The following F8 variants were observed in gnomAD, a reference collection of about 807,000 sequenced individuals.
F8 encodes the protein coagulation factor VIII.
F8 carries 12 observed loss-of-function variants against 140.6 expected under a neutral mutation model. The ratio of observed to expected loss-of-function variants is 0.09; its 90% confidence interval spans 0.05 to 0.14. F8 has a LOEUF of 0.14. Ranked by LOEUF, F8 falls within the 10% of genes least tolerant of loss-of-function variation. The pLI is 1.00. For synonymous variants in F8, 585 were observed against 614.6 expected (o/e 0.95, Z 0.71); for missense variants, 1,354 against 1,720.7 (o/e 0.79, Z 3.77).
chrX:154,838,818 G>T (rs1187690011), intron 25 of F8, among the ~76,000 whole-genome samples: 1 of 111,358 alleles, frequency 9.0e-6, no homozygotes, highest in Non-Finnish European at 1.9e-5. Flanking sequence ...AACAAAAGAC[G>T]TTTGGGCCAT....
chrX:154,895,120 C>T (rs1458239460), intron 22 of F8, among the ~76,000 whole-genome samples: 2 of 112,169 alleles, frequency 1.8e-5, no homozygotes, highest in Admixed American at 1.9e-4. Flanking sequence ...ACAGTGAACT[C>T]CTCTGCAAGG....
intron 25 of F8, 52 bp from the exon 26 acceptor site, chrX:154,837,804 T>C (rs1398680500): frequency 2.6e-6 from 3 of 1,132,470 alleles, no homozygotes; most frequent in East Asian, 6.0e-5. Flanking sequence ...CAATGGTCAC[T>C]GCAAAGCACA....
intron 18 of F8, 132 bp from the exon 19 acceptor site, chrX:154,902,299 T>A: frequency 1.9e-6 from 1 of 529,798 alleles, no homozygotes; most frequent in African/African-American, 2.3e-5. Context: ...ACCCCTCAAA[T>A]GCAAAGTGCT....
intron 14 of F8, among the ~76,000 whole-genome samples, chrX:154,923,880 G>A (rs2073145815): frequency 8.9e-6 from 1 of 111,763 alleles, no homozygotes; most frequent in African/African-American, 3.3e-5. Context: ...GCTGAGGCAG[G>A]AGAATCACTT....
At chrX:155,002,436 T>C (rs1438494162) in intron 1 of F8, among the ~76,000 whole-genome samples, 1 of 111,711 alleles carries the variant, frequency 9.0e-6, no homozygotes, top group Non-Finnish European at 1.9e-5. Context: ...CTCTCACCAA[T>C]GTGGGTGGGC....
At chrX:154,988,341 C>A (rs1413254125) in intron 4 of F8, among the ~76,000 whole-genome samples, 2 of 111,846 alleles carry the variant, frequency 1.8e-5, no homozygotes, top group African/African-American at 6.5e-5. Flanking sequence ...TTGACTTAAC[C>A]TTTCATGTCT....
intron 22 of F8, among the ~76,000 whole-genome samples, chrX:154,866,454 C>T (rs916395468): frequency 8.9e-6 from 1 of 111,927 alleles, no homozygotes; most frequent in Non-Finnish European, 1.9e-5. Context: ...ACACACAAAA[C>T]ATTCTTCAGG....
chrX:154,947,209 A>G (rs1220472302), intron 13 of F8, among the ~76,000 whole-genome samples: 4 of 88,712 alleles, frequency 4.5e-5, no homozygotes, highest in African/African-American at 8.6e-5. Context: ...TGGGCTACAG[A>G]GCGAGACTCC....
At position 154,930,666 on chromosome X, in the gene F8, CAATT is replaced by C. The variant is rs2073190482; in HGVS notation, c.3120_3123del (p.Ile1041ArgfsTer11). ...TTTTGCCAGACTGATGGACTATTCT[CAATT>C]AATAATGATGGGCCATCAATGTGAG... On this transcript the variant is annotated frameshift_variant, in exon 14 of 26. Transcript: ENST00000360256. LOFTEE classifies it high-confidence loss of function. The C allele has an allele frequency of 8.3e-7, 1 of 1,209,422 alleles. No individual in the cohort carries two copies. The highest frequency in any genetic ancestry group is 1.1e-6 in the Non-Finnish European group (1 of 894,397).
intron 6 of F8, among the ~76,000 whole-genome samples, chrX:154,978,245 C>T (rs924724927): frequency 6.2e-4 from 68 of 109,853 alleles, no homozygotes; most frequent in African/African-American, 2.3e-3. Flanking sequence ...AATTATTTTT[C>T]CAGGATTTCA....
chrX:155,013,018 C>T (rs782019329), intron 1 of F8, among the ~76,000 whole-genome samples: 3 of 108,261 alleles, frequency 2.8e-5, no homozygotes, highest in East Asian at 5.8e-4. Context: ...TGGTGGCGGG[C>T]GCCTGTCGTC....
intron 22 of F8, among the ~76,000 whole-genome samples, chrX:154,888,406 T>TTTTTCC (rs1288957215): frequency 2.7e-5 from 2 of 73,729 alleles, no homozygotes; most frequent in African/African-American, 1.3e-4. Context: ...TTTTTTTTTT[T>TTTTTCC]CCCCCCGAGA....
intron 14 of F8, among the ~76,000 whole-genome samples, chrX:154,923,240 C>G (rs1259787507): frequency 8.9e-6 from 1 of 111,971 alleles, no homozygotes; most frequent in East Asian, 2.8e-4. Context: ...AAAATAAAAA[C>G]ATCACTTTTA....
At chrX:154,997,241 C>T (rs781998845) in intron 2 of F8, 146 bp from the exon 3 acceptor site, 2 of 689,085 alleles carry the variant, frequency 2.9e-6, no homozygotes, top group East Asian at 3.3e-5. Flanking sequence ...CTGCCAACAT[C>T]AGCCTAACCT....
At position 154,896,239 on chromosome X, in the gene F8, A is replaced by T. The variant is rs1557275617; in HGVS notation, c.6274-7T>A. 2 of 1,205,303 alleles carry T rather than the reference A, an allele frequency of 1.7e-6. No homozygotes were observed. Among genetic ancestry groups the T allele is most frequent in the Admixed American group, 4.4e-5 (2 of 45,650 alleles). On this transcript the variant is annotated splice_polypyrimidine_tract_variant and splice_region_variant and intron_variant, in intron 21 of 25. Coordinates refer to ENST00000360256, the MANE Select transcript of F8 (RefSeq NM_000132.4). ...TTGGTGCCAACAGATCCACCTACCA[A>T]TTAAAATAACACTTTATTTTAACCT...
intron 4 of F8, 68 bp downstream of exon 4, chrX:154,992,868 A>G (rs1188377250): frequency 9.9e-7 from 1 of 1,007,312 alleles, no homozygotes; most frequent in Non-Finnish European, 1.4e-6. Context: ...GCTAACTGTT[A>G]TAGATAGATT....
At chrX:154,926,615 A>G (rs1276031872) in intron 14 of F8, among the ~76,000 whole-genome samples, 1 of 111,632 alleles carries the variant, frequency 9.0e-6, no homozygotes, top group Non-Finnish European at 1.9e-5. Context: ...GGCTCAACCA[A>G]TCCACCTGCC....
intron 25 of F8, among the ~76,000 whole-genome samples, chrX:154,852,091 A>T (rs2072619614): frequency 1.8e-5 from 2 of 111,767 alleles, no homozygotes; most frequent in South Asian, 7.5e-4. Flanking sequence ...TTTTTTACAG[A>T]CAGGGTCTTG....
At chrX:154,904,728 T>C in intron 16 of F8, 83 bp downstream of exon 16, 3 of 885,555 alleles carry the variant, frequency 3.4e-6, no homozygotes, top group Non-Finnish European at 5.0e-6. Flanking sequence ...TTATTGCACG[T>C]AGGATAAATA....
Sources: gnomAD v4.1 joint callset for allele counts (sites outside exome capture counted in the v4.1 genomes callset) on GRCh38, gnomAD v4.1.1 for gene constraint, MANE v1.5 for transcripts, NCBI Gene and HGNC (gene_info 2026-07-23, HGNC 2026-07-21) for gene names.